MGAM2: variants seen among roughly 807,000 people sequenced by gnomAD.
MGAM2 encodes the protein maltase-glucoamylase 2 (putative), also known as probable maltase-glucoamylase 2.
A neutral mutation model predicts 96.1 loss-of-function variants in MGAM2; 98 were observed. That is an observed-to-expected ratio of 1.02 (90% CI 0.87 to 1.21). The LOEUF is 1.21. Ranked by LOEUF, MGAM2 falls within the 50% of genes most tolerant of loss-of-function variation. The pLI is 0.00. For missense variants in MGAM2, 2,055 were observed against 1,182.4 expected (o/e 1.74, Z -10.82); for synonymous variants, 749 against 414.8 (o/e 1.81, Z -9.79).
Position 142,149,153 on chromosome 7 carries a change from C to T in MGAM2, c.1634+1580C>T, listed in dbSNP as rs191300013. Among the ~76,000 whole-genome samples, 444 of 151,810 alleles carry T rather than the reference C, an allele frequency of 2.9e-3. 1 individual carries two copies. The highest frequency in any genetic ancestry group is 4.7e-3 in the Non-Finnish European group (319 of 67,970). On this transcript the variant is annotated intron_variant, in intron 15 of 47. Coordinates refer to ENST00000477922, the MANE Select transcript of MGAM2 (RefSeq NM_001293626.2). ...CTGAGGCAGGAGGATCGCTTGAACC[C>T]GGGAGACGGAGGTTGCAGTGAGCCG...
intron 15 of MGAM2, among the ~76,000 whole-genome samples, chr7:142,153,655 G>T (rs2129084355): frequency 6.6e-6 from 1 of 152,206 alleles, no homozygotes; most frequent in Admixed American, 6.5e-5. Flanking sequence ...TGGAACCAAA[G>T]GACATTAGAA....
At chr7:142,142,422 T>G (rs4281044) in intron 12 of MGAM2, among the ~76,000 whole-genome samples, 151,245 of 152,232 alleles carry the variant, frequency 0.99, 75,140 homozygotes, top group Middle Eastern at 1. Context: ...TAATTACAAA[T>G]AATGAATTAG....
intron 23 of MGAM2, among the ~76,000 whole-genome samples, chr7:142,163,466 C>T (rs1585177296): frequency 6.6e-6 from 1 of 152,128 alleles, no homozygotes; most frequent in Non-Finnish European, 1.5e-5. Context: ...ATTTTTAGTA[C>T]AGATGAGGTT....
rs563105208 is a variant in MGAM2 at position 142,152,144 on chromosome 7, T to C, written c.1635-1874T>C. Among the ~76,000 whole-genome samples the C allele has an allele frequency of 1.5e-3, 217 of 149,542 alleles. 1 individual carries two copies. Among genetic ancestry groups the C allele is most frequent in the Non-Finnish European group, 2.7e-3 (183 of 67,618 alleles). On this transcript the variant is annotated intron_variant, in intron 15 of 47. Transcript: ENST00000477922. ...TAAAAGACAGAAAATACAAAGCCTC[T>C]GAGTAAGACTGTTCCTTTAAGATGT...
chr7:142,130,479 C>T (rs572748383), intron 3 of MGAM2, among the ~76,000 whole-genome samples: 29 of 152,336 alleles, frequency 1.9e-4, no homozygotes, highest in African/African-American at 7.0e-4. Flanking sequence ...TGCACTGCTG[C>T]TTTCTCCGCC....
chr7:142,173,490 T>C, intron 31 of MGAM2, 136 bp downstream of exon 31: 2 of 529,562 alleles, frequency 3.8e-6, no homozygotes, highest in East Asian at 2.8e-5. Flanking sequence ...TTGTATATAC[T>C]ATAATACTAT....
chr7:142,157,175 C>G (rs757380556), intron 17 of MGAM2, among the ~76,000 whole-genome samples: 3 of 152,024 alleles, frequency 2.0e-5, no homozygotes, highest in Non-Finnish European at 4.4e-5. Flanking sequence ...GATTACAGAC[C>G]ATGGTGGCAG....
chr7:142,144,714 G>T (rs1298200199), intron 13 of MGAM2, 147 bp from the exon 14 acceptor site: 1 of 515,122 alleles, frequency 1.9e-6, no homozygotes, highest in Non-Finnish European at 3.4e-6. Flanking sequence ...GAAACAGAGG[G>T]TAAGAAAAAT....
In MGAM2 at chr7:142,166,241, G is replaced by C. The variant is rs747466327; in HGVS notation, c.2796G>C (p.Gly932=). 1 of 699,824 alleles carries C rather than the reference G, an allele frequency of 1.4e-6. No homozygotes were observed. The highest frequency in any genetic ancestry group is 2.6e-6 in the Non-Finnish European group (1 of 383,844). 43.4% of individuals were successfully genotyped at this position (699,824 alleles called of 1,614,324 possible). Reference sequence around the variant, plus strand: ...CTGAGGAGAGTTGTAGGCAGCGGGGGTGTCTTTGGGAGGTAAATGACCAGA... The same window carrying C: ...CTGAGGAGAGTTGTAGGCAGCGGGGCTGTCTTTGGGAGGTAAATGACCAGA... ...TASEESCRQR[G]CLWEDTSTPG... The change falls in exon 25 of 48, where the codon GGG becomes GGC. Residue 932 remains glycine, a synonymous_variant. Coordinates refer to ENST00000477922, the MANE Select transcript of MGAM2 (RefSeq NM_001293626.2).
chr7:142,196,262 G>T lies in MGAM2; in HGVS notation c.4455G>T (p.Trp1485Cys). 1 of 785,278 alleles carries T rather than the reference G, an allele frequency of 1.3e-6. No individual in the cohort carries two copies. The allele number at this position is 785,278 out of a possible 1,614,324, so 48.6% of individuals were successfully genotyped here. ...GHRLGNNTAA[W>C]DQLGKSIIGM... is the part of the protein sequence containing the mutation. ...GGTTGGGAAACAACACAGCTGCATG[G>T]GACCAGCTGGGGAAATCTATCATTG... Residue 1485 changes from tryptophan to cysteine, a missense_variant, in exon 38 of 48, where the codon TGG (tryptophan) becomes TGT (cysteine). Coordinates refer to ENST00000477922, the MANE Select transcript of MGAM2 (RefSeq NM_001293626.2).
intron 32 of MGAM2, among the ~76,000 whole-genome samples, chr7:142,177,001 G>A (rs12538926): frequency 1.3e-5 from 2 of 151,866 alleles, no homozygotes; most frequent in Admixed American, 6.6e-5. Context: ...ATATTTCAGG[G>A]TTAAACTTTT....
At chr7:142,174,181 T>C (rs980076668) in intron 31 of MGAM2, among the ~76,000 whole-genome samples, 1 of 152,228 alleles carries the variant, frequency 6.6e-6, no homozygotes, top group Non-Finnish European at 1.5e-5. Flanking sequence ...TGGTTACATA[T>C]ATGAATTTTA....
intron 17 of MGAM2, among the ~76,000 whole-genome samples, 169 bp downstream of exon 17, chr7:142,155,014 G>A (rs1213408454): frequency 6.6e-6 from 1 of 152,182 alleles, no homozygotes; most frequent in Non-Finnish European, 1.5e-5. Context: ...AGGTGAGGGT[G>A]CATTGGAAGG....
intron 37 of MGAM2, among the ~76,000 whole-genome samples, chr7:142,192,223 T>G (rs1796892756): frequency 6.6e-6 from 1 of 152,148 alleles, no homozygotes; most frequent in African/African-American, 2.4e-5. Context: ...CAAACAGAAA[T>G]TCTTCTTCCC....
intron 32 of MGAM2, among the ~76,000 whole-genome samples, chr7:142,179,077 A>T: frequency 6.6e-6 from 1 of 152,128 alleles, no homozygotes; most frequent in Non-Finnish European, 1.5e-5. Flanking sequence ...TCTTGTTTTT[A>T]TAGTTCTTCT....
chr7:142,171,213 G>C, intron 27 of MGAM2, 59 bp from the exon 28 acceptor site: 4 of 700,368 alleles, frequency 5.7e-6, no homozygotes, highest in Non-Finnish European at 5.2e-6. Context: ...TTCCAAACAC[G>C]TTCCAAGTAG....
intron 6 of MGAM2, among the ~76,000 whole-genome samples, chr7:142,132,868 A>G (rs1419603779): frequency 1.5e-5 from 2 of 129,468 alleles, no homozygotes; most frequent in African/African-American, 6.0e-5. Flanking sequence ...TATATATTAA[A>G]TTAAATATAA....
At chr7:142,180,705 C>A (rs1796511698) in intron 32 of MGAM2, among the ~76,000 whole-genome samples, 1 of 152,010 alleles carries the variant, frequency 6.6e-6, no homozygotes, top group Non-Finnish European at 1.5e-5. Context: ...TTACATAATT[C>A]TATATTTCTC....
chr7:142,154,238 T>C (rs1172623921), intron 16 of MGAM2, 49 bp downstream of exon 16: 1 of 536,916 alleles, frequency 1.9e-6, no homozygotes, highest in African/African-American at 1.9e-5. Flanking sequence ...TCTGTTGACA[T>C]TCTTTTAATT....
Sources: allele counts gnomAD v4.1 joint callset (sites outside exome capture counted in the v4.1 genomes callset), GRCh38; gene constraint gnomAD v4.1.1; transcripts MANE v1.5; gene names NCBI Gene and HGNC (gene_info 2026-07-23, HGNC 2026-07-21).